GRIK2: variants seen among roughly 807,000 people sequenced by gnomAD.
GRIK2 encodes the protein glutamate ionotropic receptor kainate type subunit 2.
A neutral mutation model predicts 100.3 loss-of-function variants in GRIK2; 32 were observed. The ratio of observed to expected loss-of-function variants is 0.32; its 90% confidence interval spans 0.24 to 0.43. The LOEUF is 0.43. Among genes scored for constraint, GRIK2 ranks in the 20% least tolerant of loss-of-function variants. The pLI is 1.00. For missense variants in GRIK2, 843 were observed against 1,114.9 expected (o/e 0.76, Z 3.47); for synonymous variants, 417 against 389.4 (o/e 1.07, Z -0.83).
At chr6:101,977,276 T>TC (rs1793448214) in intron 14 of GRIK2, among the ~76,000 whole-genome samples, 1 of 137,512 alleles carries the variant, frequency 7.3e-6, no homozygotes, top group Non-Finnish European at 1.6e-5. Flanking sequence ...TTATGTTATG[T>TC]TATGAGTCTG....
intron 7 of GRIK2, among the ~76,000 whole-genome samples, chr6:101,764,908 C>CTGTG (rs561704365): frequency 5.9e-5 from 9 of 151,688 alleles, no homozygotes; most frequent in African/African-American, 2.2e-4. Context: ...CTTCATTTTT[C>CTGTG]TGTGTGTGTG....
chr6:101,671,111 T>C (rs1420561690), intron 4 of GRIK2, among the ~76,000 whole-genome samples: 2 of 152,188 alleles, frequency 1.3e-5, no homozygotes, highest in African/African-American at 4.8e-5. Flanking sequence ...TCTGCATTTA[T>C]GGAAATAATT....
chr6:101,771,923 C>T (rs556640999), intron 7 of GRIK2, among the ~76,000 whole-genome samples: 3 of 152,062 alleles, frequency 2.0e-5, no homozygotes, highest in Admixed American at 6.6e-5. Flanking sequence ...TTTCTTAATC[C>T]CGTCTATCAT....
chr6:101,881,460 G>A (rs1786237031), intron 11 of GRIK2, among the ~76,000 whole-genome samples: 1 of 151,672 alleles, frequency 6.6e-6, no homozygotes, highest in African/African-American at 2.4e-5. Context: ...GACAGACATA[G>A]TAATATCTAT....
chr6:102,065,242 AATTT>A (rs1771959116), intron 16 of GRIK2, among the ~76,000 whole-genome samples: 1 of 151,272 alleles, frequency 6.6e-6, no homozygotes, highest in South Asian at 2.1e-4. Context: ...TTGTAAATAT[AATTT>A]ATTTAAGACA....
At position 101,725,317 on chromosome 6, in the gene GRIK2, A is replaced by C. The variant is rs1285856012; in HGVS notation, c.951+38964A>C. Reference sequence around the variant, plus strand: ...TATATTTTGAAGGCTATGTGATCTTAGTTCTGTGGGATTCCAAAAATGTTA... The same window carrying C: ...TATATTTTGAAGGCTATGTGATCTTCGTTCTGTGGGATTCCAAAAATGTTA... On this transcript the variant is annotated intron_variant, in intron 7 of 16. Transcript: ENST00000369134. Among the ~76,000 whole-genome samples the C allele has an allele frequency of 2.6e-5, 4 of 152,150 alleles. No homozygotes were observed. The East Asian group carries it at 7.8e-4, about 29-fold the overall frequency.
chr6:101,568,986 G>T (rs778042844), intron 2 of GRIK2, among the ~76,000 whole-genome samples: 1 of 151,976 alleles, frequency 6.6e-6, no homozygotes, highest in Non-Finnish European at 1.5e-5. Context: ...GCTGGAGTAG[G>T]AGGCAATTAC....
intron 7 of GRIK2, among the ~76,000 whole-genome samples, chr6:101,755,161 G>GTTTTTTTTTTTTTT (rs1157640683): frequency 8.7e-5 from 9 of 102,958 alleles, no homozygotes; most frequent in Non-Finnish European, 1.6e-4. Flanking sequence ...TTTCTTTTTG[G>GTTTTTTTTTTTTTT]TTTTTTTTTT....
At chr6:101,563,293 A>G (rs1156249302) in intron 2 of GRIK2, among the ~76,000 whole-genome samples, 3 of 152,214 alleles carry the variant, frequency 2.0e-5, no homozygotes, top group Non-Finnish European at 4.4e-5. Context: ...AGAATTGTAA[A>G]AGATCAAAAC....
chr6:101,619,601 A>C (rs1161130967), intron 2 of GRIK2, among the ~76,000 whole-genome samples: 1 of 152,108 alleles, frequency 6.6e-6, no homozygotes, highest in South Asian at 2.1e-4. Flanking sequence ...TAGAAGATTC[A>C]GTTTTTTGTT....
chr6:101,918,272 G>A (rs1027112971), intron 12 of GRIK2, among the ~76,000 whole-genome samples: 1 of 151,514 alleles, frequency 6.6e-6, no homozygotes, highest in Non-Finnish European at 1.5e-5. Flanking sequence ...GGCCATTTCA[G>A]CTTAAGGAAA....
intron 11 of GRIK2, among the ~76,000 whole-genome samples, chr6:101,876,790 C>A (rs886212156): frequency 6.6e-6 from 1 of 151,890 alleles, no homozygotes; most frequent in African/African-American, 2.4e-5. Flanking sequence ...TCAAATCAAT[C>A]AGTCATTGTG....
At chr6:101,506,627 C>T (rs1270847958) in intron 2 of GRIK2, among the ~76,000 whole-genome samples, 2 of 152,036 alleles carry the variant, frequency 1.3e-5, no homozygotes, top group African/African-American at 2.4e-5. Context: ...TTCTTAACTG[C>T]GTAGACTAAT....
At chr6:101,952,539 A>G (rs1791663149) in intron 14 of GRIK2, among the ~76,000 whole-genome samples, 1 of 152,020 alleles carries the variant, frequency 6.6e-6, no homozygotes, top group African/African-American at 2.4e-5. Flanking sequence ...ATACCATGTA[A>G]TTCACCTGTT....
chr6:101,797,410 A>G (rs1052070973), intron 7 of GRIK2, among the ~76,000 whole-genome samples: 1 of 151,694 alleles, frequency 6.6e-6, no homozygotes, highest in Non-Finnish European at 1.5e-5. Context: ...TGTGATTTCA[A>G]TTAGTTCTTC....
chr6:101,644,735 A>G (rs961401986), intron 4 of GRIK2, among the ~76,000 whole-genome samples: 4 of 151,820 alleles, frequency 2.6e-5, no homozygotes, highest in Non-Finnish European at 4.4e-5. Flanking sequence ...TTAAAAGGTT[A>G]TTAAGTTTTG....
intron 9 of GRIK2, among the ~76,000 whole-genome samples, chr6:101,810,784 A>G (rs1781279161): frequency 6.6e-6 from 1 of 152,064 alleles, no homozygotes; most frequent in African/African-American, 2.4e-5. Context: ...CATTTGAAGG[A>G]GTGAAGTAAG....
Position 102,063,758 on chromosome 6 carries a change from T to TA in GRIK2, c.2563-4578dup, listed in dbSNP as rs34730340. On this transcript the variant is annotated intron_variant, in intron 16 of 16. Transcript: ENST00000369134. ...ATCCAAAATACAAAATAGAGCTCTT[T>TA]AAAAAAAAAAAGCTCTATAAAAAAG... Among the ~76,000 whole-genome samples the TA allele has an allele frequency of 6.5e-4, 94 of 144,544 alleles. 1 individual carries two copies. The East Asian group carries it at 0.01, about 16-fold the overall frequency. 94.8% of individuals were successfully genotyped at this position (144,544 alleles called of 152,430 possible).
intron 10 of GRIK2, among the ~76,000 whole-genome samples, chr6:101,858,386 C>CTTTTTTTTTTT (rs780526806): frequency 1.1e-5 from 1 of 91,666 alleles, no homozygotes; most frequent in Non-Finnish European, 2.3e-5. Context: ...ATTTTTTTTT[C>CTTTTTTTTTTT]TTTTTTTTTT....
Sources: gnomAD v4.1 joint callset for allele counts (sites outside exome capture counted in the v4.1 genomes callset) on GRCh38, gnomAD v4.1.1 for gene constraint, MANE v1.5 for transcripts, NCBI Gene and HGNC (gene_info 2026-07-23, HGNC 2026-07-21) for gene names.